Variants in LRCH1 observed in about 807,000 individuals in gnomAD.
LRCH1 encodes the protein leucine-rich repeat and calponin homology domain-containing protein 1.
A neutral mutation model predicts 94.9 loss-of-function variants in LRCH1; 23 were observed. That is an observed-to-expected ratio of 0.24 (90% CI 0.17 to 0.34). The LOEUF is 0.34. Among genes scored for constraint, LRCH1 ranks in the 10% least tolerant of loss-of-function variants. The pLI is 1.00. For missense variants in LRCH1, 790 were observed against 945.9 expected, an observed-to-expected ratio of 0.84 and a Z score of 2.16; for synonymous variants, 364 against 354.9, an observed-to-expected ratio of 1.03 and a Z score of -0.29.
At chr13:46,576,398 A>G (rs976525550) in intron 1 of LRCH1, among the ~76,000 whole-genome samples, 1 of 152,214 alleles carries the variant, frequency 6.6e-6, no homozygotes, top group Non-Finnish European at 1.5e-5. Flanking sequence ...TTGGCTTCTG[A>G]TAACTGGGAG....
chr13:46,555,447 T>C (rs2050053660), intron 1 of LRCH1, among the ~76,000 whole-genome samples: 1 of 152,256 alleles, frequency 6.6e-6, no homozygotes. Context: ...TTGATGTGTC[T>C]GCTGTGTTGG....
At chr13:46,703,162 A>C (rs1375579364) in intron 11 of LRCH1, among the ~76,000 whole-genome samples, 2 of 152,226 alleles carry the variant, frequency 1.3e-5, no homozygotes, top group Non-Finnish European at 2.9e-5. Context: ...ACGTGTATCC[A>C]TGCATGTGTA....
chr13:46,609,337 A>G (rs1392792976), intron 1 of LRCH1, among the ~76,000 whole-genome samples: 1 of 152,068 alleles, frequency 6.6e-6, no homozygotes, highest in East Asian at 1.9e-4. Flanking sequence ...TGACAGTTCC[A>G]TTGCCAATAT....
At chr13:46,671,914 G>A (rs9645995) in intron 3 of LRCH1, among the ~76,000 whole-genome samples, 1 of 151,988 alleles carries the variant, frequency 6.6e-6, no homozygotes, top group African/African-American at 2.4e-5. Context: ...GAACCTATCC[G>A]GACACATCAA....
rs200931151 is a variant in LRCH1 at position 46,638,343 on chromosome 13, CT to C, written c.308-11857del. Among the ~76,000 whole-genome samples, 253 of 152,208 alleles carry C rather than the reference CT, an allele frequency of 1.7e-3. 2 individuals are homozygous for C. The highest frequency in any genetic ancestry group is 5.4e-3 in the African/African-American group (223 of 41,544). ...TGGATAAAACTTGTGGCAATAATTC[CT>C]CCTTTGACTTCTTCAGCAATATGTT... On this transcript the variant is annotated intron_variant, in intron 1 of 19. Transcript: ENST00000389797.
At chr13:46,613,399 GAAAA>G (rs1185161650) in intron 1 of LRCH1, among the ~76,000 whole-genome samples, 1 of 145,686 alleles carries the variant, frequency 6.9e-6, no homozygotes, top group South Asian at 2.2e-4. Flanking sequence ...AAAAAAAAAA[GAAAA>G]AAAGATTTTC....
intron 3 of LRCH1, 129 bp downstream of exon 3, chr13:46,669,285 A>T (rs1055509694): frequency 2.9e-6 from 3 of 1,036,390 alleles, no homozygotes; most frequent in Non-Finnish European, 2.7e-6. Context: ...CAGGTATATG[A>T]TAAAGACATT....
intron 2 of LRCH1, among the ~76,000 whole-genome samples, chr13:46,665,155 G>T (rs999212757): frequency 6.6e-6 from 1 of 152,150 alleles, no homozygotes; most frequent in Non-Finnish European, 1.5e-5. Context: ...ATTTAAAAAT[G>T]TGGGTATTAT....
intron 2 of LRCH1, among the ~76,000 whole-genome samples, chr13:46,658,094 G>A (rs2051399678): frequency 6.6e-6 from 1 of 152,118 alleles, no homozygotes; most frequent in South Asian, 2.1e-4. Context: ...TATGAAAATA[G>A]TTGTTAGGGA....
Position 46,585,393 on chromosome 13 carries a change from C to T in LRCH1, c.307+31690C>T, listed in dbSNP as rs868831665. 8.6e-5 allele frequency among the ~76,000 whole-genome samples: 13 copies of T among 151,880 alleles called. No individual in the cohort carries two copies. The East Asian group carries it at 9.6e-4, about 11-fold the overall frequency. On this transcript the variant is annotated intron_variant, in intron 1 of 19. Transcript: ENST00000389797. ...GAGATCAAGACCATTCTCGCTAACA[C>T]GGTGAAACCACGTCTCTACTAAAAA...
intron 4 of LRCH1, 104 bp from the exon 5 acceptor site, chr13:46,685,801 A>G: frequency 1.2e-6 from 1 of 815,684 alleles, no homozygotes. Flanking sequence ...ACTCAATTGT[A>G]TTTTTCCTGA....
intron 1 of LRCH1, among the ~76,000 whole-genome samples, chr13:46,607,829 A>G (rs796191708): frequency 1.2e-4 from 18 of 152,100 alleles, no homozygotes; most frequent in African/African-American, 4.1e-4. Context: ...AAGGGTGGAG[A>G]CGCAAAGGCA....
chr13:46,713,224 C>T (rs962613379), intron 15 of LRCH1, among the ~76,000 whole-genome samples: 3 of 152,250 alleles, frequency 2.0e-5, no homozygotes, highest in Non-Finnish European at 4.4e-5. Context: ...TTTGATTCTT[C>T]TGATTTCTCC....
intron 1 of LRCH1, among the ~76,000 whole-genome samples, chr13:46,636,172 C>T (rs779511927): frequency 1.4e-5 from 2 of 146,344 alleles, no homozygotes; most frequent in African/African-American, 2.5e-5. Flanking sequence ...TGGGTTCAAG[C>T]GATTCTCCTA....
At chr13:46,696,618 G>A (rs1871205685) in intron 9 of LRCH1, among the ~76,000 whole-genome samples, 1 of 152,160 alleles carries the variant, frequency 6.6e-6, no homozygotes, top group Non-Finnish European at 1.5e-5. Flanking sequence ...ATAGGCGTGT[G>A]GAAGTCAACT....
At position 46,556,555 on chromosome 13, in the gene LRCH1, C is replaced by T. The variant is rs575122781; in HGVS notation, c.307+2852C>T. 1.1e-4 allele frequency among the ~76,000 whole-genome samples: 17 copies of T among 152,310 alleles called. No homozygotes were observed. The South Asian group carries it at 3.5e-3, about 32-fold the overall frequency. ...AGGGACAAAACAGAAGAGCCACTAT[C>T]AGCACTGGGTGCGCCTCTCTATGCG... is the stretch of plus-strand genomic sequence containing the variant. On this transcript the variant is annotated intron_variant, in intron 1 of 19. Transcript: ENST00000389797.
intron 16 of LRCH1, among the ~76,000 whole-genome samples, chr13:46,722,666 G>A (rs886568379): frequency 2.0e-5 from 3 of 152,110 alleles, no homozygotes; most frequent in Non-Finnish European, 4.4e-5. Flanking sequence ...ATCTCCAAAG[G>A]GCTAACTTTT....
intron 1 of LRCH1, among the ~76,000 whole-genome samples, chr13:46,594,802 A>G (rs1391980356): frequency 1.3e-5 from 2 of 152,220 alleles, no homozygotes; most frequent in African/African-American, 2.4e-5. Context: ...AGTGCTTTCC[A>G]TAGAAAACAT....
chr13:46,597,361 CTT>C (rs767264011), intron 1 of LRCH1, among the ~76,000 whole-genome samples: 6 of 143,534 alleles, frequency 4.2e-5, no homozygotes, highest in African/African-American at 5.1e-5. Flanking sequence ...TCCAGTAGGA[CTT>C]TTTTTTTTTT....
Sources: gnomAD v4.1 joint callset for allele counts (sites outside exome capture counted in the v4.1 genomes callset) on GRCh38, gnomAD v4.1.1 for gene constraint, MANE v1.5 for transcripts, NCBI Gene and HGNC (gene_info 2026-07-23, HGNC 2026-07-21) for gene names.